Variants in ADAMTSL1 observed in about 807,000 individuals in gnomAD.
ADAMTSL1 encodes ADAMTS-like protein 1.
ADAMTSL1 carries 126 observed loss-of-function variants against 201.8 expected under a neutral mutation model. The ratio of observed to expected loss-of-function variants is 0.62; its 90% confidence interval spans 0.54 to 0.72. The LOEUF is 0.72. ADAMTSL1 is among the 30% of genes least tolerant of loss of function. The probability of loss-of-function intolerance (pLI) is 0.00; values close to 1 mark genes in which losing one functional copy is unlikely to be tolerated. For synonymous variants in ADAMTSL1, 1,121 were observed against 903.4 expected (o/e 1.24, Z -4.32); for missense variants, 2,679 against 2,277.8 (o/e 1.18, Z -3.59).
intron 2 of ADAMTSL1, among the ~76,000 whole-genome samples, chr9:18,406,511 C>T (rs970261708): frequency 6.6e-6 from 1 of 151,496 alleles, no homozygotes; most frequent in Non-Finnish European, 1.5e-5. Context: ...TTGTATTTTT[C>T]GTAGAGACAG....
At chr9:18,148,541 C>T (rs537843811) in intron 1 of ADAMTSL1, among the ~76,000 whole-genome samples, 86 of 152,000 alleles carry the variant, frequency 5.7e-4, no homozygotes, top group Admixed American at 2.5e-3. Context: ...AGGACAAGAA[C>T]GAGCAAATTA....
intron 1 of ADAMTSL1, among the ~76,000 whole-genome samples, chr9:18,114,042 C>A (rs1324029852): frequency 6.6e-6 from 1 of 151,916 alleles, no homozygotes; most frequent in Non-Finnish European, 1.5e-5. Flanking sequence ...TTAAGACCCA[C>A]AAGAAGGATC....
chr9:18,688,610 G>A (rs1830991319), intron 13 of ADAMTSL1, among the ~76,000 whole-genome samples: 1 of 131,140 alleles, frequency 7.6e-6, no homozygotes, highest in South Asian at 2.6e-4. Context: ...GGAGGCTGCA[G>A]TGAGCTGAGA....
At chr9:18,835,514 A>C (rs1246436059) in intron 23 of ADAMTSL1, among the ~76,000 whole-genome samples, 1 of 152,066 alleles carries the variant, frequency 6.6e-6, no homozygotes, top group African/African-American at 2.4e-5. Flanking sequence ...AAATAATTTC[A>C]ACTTTTATTT....
intron 2 of ADAMTSL1, among the ~76,000 whole-genome samples, chr9:18,196,199 A>C (rs899812649): frequency 6.6e-6 from 1 of 151,828 alleles, no homozygotes; most frequent in African/African-American, 2.4e-5. Flanking sequence ...CTTCCTACCC[A>C]CTCCTAAACA....
At chr9:18,600,081 T>A (rs1824537361) in intron 4 of ADAMTSL1, among the ~76,000 whole-genome samples, 1 of 151,370 alleles carries the variant, frequency 6.6e-6, no homozygotes, top group African/African-American at 2.4e-5. Context: ...AGAGCTGAAA[T>A]GACACTGCTG....
At chr9:18,625,441 A>C (rs187910033) in intron 5 of ADAMTSL1, among the ~76,000 whole-genome samples, 18 of 152,210 alleles carry the variant, frequency 1.2e-4, no homozygotes, top group Admixed American at 1.1e-3. Context: ...TTTTTATTAA[A>C]AGACATTACA....
At chr9:18,808,737 C>A (rs1040654310) in intron 20 of ADAMTSL1, among the ~76,000 whole-genome samples, 14 of 152,142 alleles carry the variant, frequency 9.2e-5, no homozygotes, top group African/African-American at 3.1e-4. Flanking sequence ...TAAACAAGTG[C>A]CCTGGGAATT....
intron 2 of ADAMTSL1, among the ~76,000 whole-genome samples, chr9:18,185,402 A>C (rs1357657978): frequency 1.3e-5 from 2 of 152,158 alleles, no homozygotes; most frequent in Non-Finnish European, 2.9e-5. Flanking sequence ...ATCAGAGGAG[A>C]ACCCAGCCCT....
At chr9:18,656,160 T>C (rs1440429668) in intron 7 of ADAMTSL1, among the ~76,000 whole-genome samples, 1 of 152,034 alleles carries the variant, frequency 6.6e-6, no homozygotes, top group East Asian at 1.9e-4. Flanking sequence ...AAAACTGATG[T>C]AGAGTTTAGC....
At chr9:18,545,692 T>C (rs1052326840) in intron 3 of ADAMTSL1, among the ~76,000 whole-genome samples, 1 of 152,182 alleles carries the variant, frequency 6.6e-6, no homozygotes, top group Admixed American at 6.5e-5. Flanking sequence ...ATTTACTTTC[T>C]CAAGTCCTAG....
intron 2 of ADAMTSL1, among the ~76,000 whole-genome samples, chr9:18,459,574 G>C (rs78103044): frequency 3.3e-5 from 5 of 152,132 alleles, no homozygotes; most frequent in Non-Finnish European, 7.3e-5. Context: ...GCCTGCAAAA[G>C]AGCCCCATCA....
chr9:18,639,162 T>C, intron 6 of ADAMTSL1, 92 bp from the exon 7 acceptor site: 3 of 1,271,158 alleles, frequency 2.4e-6, no homozygotes, highest in South Asian at 1.3e-5. Context: ...GTGTCTCCCT[T>C]ACCTAGCTCT....
At chr9:18,235,468 G>A (rs1244118113) in intron 2 of ADAMTSL1, among the ~76,000 whole-genome samples, 1 of 152,124 alleles carries the variant, frequency 6.6e-6, no homozygotes, top group Non-Finnish European at 1.5e-5. Flanking sequence ...CCCTCCCATG[G>A]AACATATTTC....
intron 2 of ADAMTSL1, among the ~76,000 whole-genome samples, chr9:18,352,077 A>T (rs560386077): frequency 9.5e-4 from 145 of 152,006 alleles, no homozygotes; most frequent in African/African-American, 3.4e-3. Flanking sequence ...TTTTTTTAGT[A>T]TCTTAAGTTC....
chr9:18,639,924 C>T (rs546638453), intron 7 of ADAMTSL1, among the ~76,000 whole-genome samples: 11 of 152,140 alleles, frequency 7.2e-5, no homozygotes, highest in African/African-American at 2.7e-4. Context: ...AAGCAACATG[C>T]ACATTCTGCT....
intron 2 of ADAMTSL1, among the ~76,000 whole-genome samples, chr9:18,528,673 T>G (rs1235478200): frequency 6.6e-6 from 1 of 152,200 alleles, no homozygotes. Flanking sequence ...AACATACCTG[T>G]GCATATTACA....
chr9:18,340,872 TA>T (rs1835439492), intron 2 of ADAMTSL1, among the ~76,000 whole-genome samples: 1 of 152,112 alleles, frequency 6.6e-6, no homozygotes, highest in Non-Finnish European at 1.5e-5. Context: ...CAGTCTCAGG[TA>T]TGTGTTTATT....
chr9:18,003,210 C>A (rs1042798611), intron 1 of ADAMTSL1, among the ~76,000 whole-genome samples: 7 of 152,000 alleles, frequency 4.6e-5, no homozygotes, highest in Admixed American at 3.9e-4. Context: ...CACGCTGACT[C>A]CAGATTCTTG....
Sources: allele counts gnomAD v4.1 joint callset (sites outside exome capture counted in the v4.1 genomes callset), GRCh38; gene constraint gnomAD v4.1.1; transcripts MANE v1.5; gene names NCBI Gene and HGNC (gene_info 2026-07-23, HGNC 2026-07-21).